The following LHX8 variants were observed in gnomAD, a reference collection of about 807,000 sequenced individuals.
LHX8 encodes LIM homeobox 8.
A neutral mutation model predicts 40.3 loss-of-function variants in LHX8; 12 were observed. The observed-to-expected ratio is 0.30, with a 90% CI of 0.19 to 0.48. The LOEUF is 0.48. LHX8 is among the 20% of genes least tolerant of loss of function. The pLI is 0.99. For missense variants in LHX8, 344 were observed against 433.7 expected, an observed-to-expected ratio of 0.79 and a Z score of 1.84; for synonymous variants, 179 against 162.0, an observed-to-expected ratio of 1.10 and a Z score of -0.80.
the LHX8 span, among the ~76,000 whole-genome samples, chr1:75,169,864 C>T: frequency 6.6e-6 from 1 of 152,202 alleles, no homozygotes; most frequent in Non-Finnish European, 1.5e-5. Flanking sequence ...TTAATAAAGG[C>T]ACCACAAATG....
the LHX8 span, among the ~76,000 whole-genome samples, chr1:75,194,118 C>G: frequency 6.6e-6 from 1 of 152,166 alleles, no homozygotes; most frequent in Non-Finnish European, 1.5e-5. Flanking sequence ...AAATAAAAAA[C>G]AGTTTAGACA....
chr1:75,157,041 G>C lies in LHX8; in HGVS notation c.929G>C (p.Gly310Ala). ...TATTCTGCCTACGTGCCCCAAGATG[G>C]AACGATGTTAACTGCGCTGCATAGT... ...MAYSAYVPQDGTMLTALHSYM... is the reference protein window; with the variant it reads ...MAYSAYVPQDATMLTALHSYM... The change falls in exon 8 of 9, where the codon GGA (glycine) becomes GCA (alanine). Residue 310 changes from glycine (G) to alanine (A), a missense_variant. Gly to Ala is a moderately conservative substitution (Grantham distance 60, BLOSUM62 0). Coordinates refer to ENST00000356261, the MANE Select transcript of LHX8 (RefSeq NM_001256114.2). 1.2e-6 allele frequency: 2 copies of C among 1,614,148 alleles called. No individual in the cohort carries two copies. Among genetic ancestry groups the C allele is most frequent in the African/African-American group, 1.3e-5 (1 of 75,036 alleles).
chr1:75,190,463 T>G, the LHX8 span, among the ~76,000 whole-genome samples: 1 of 152,168 alleles, frequency 6.6e-6, no homozygotes, highest in Non-Finnish European at 1.5e-5. Flanking sequence ...GAAGTGATAG[T>G]CAAGCTTGAC....
chr1:75,153,799 G>A (rs192244987), intron 7 of LHX8, among the ~76,000 whole-genome samples: 7 of 152,134 alleles, frequency 4.6e-5, no homozygotes, highest in East Asian at 3.9e-4. Context: ...AATTATTTAC[G>A]CCTAAACTTT....
At chr1:75,136,566 C>T (rs979528660) in intron 1 of LHX8, 37 bp from the exon 2 acceptor site, 5 of 1,445,126 alleles carry the variant, frequency 3.5e-6, no homozygotes, top group African/African-American at 1.4e-5. Context: ...AACTTCTGAT[C>T]TGTTTCTCCA....
downstream of LHX8, among the ~76,000 whole-genome samples, chr1:75,162,142 T>C (rs180712161): frequency 1.8e-4 from 28 of 152,306 alleles, 1 homozygote; most frequent in Admixed American, 1.6e-3. Flanking sequence ...TTTGTAATTT[T>C]ATTCTAGTAA....
At chr1:75,133,428 G>A (rs1648026333), upstream of LHX8, among the ~76,000 whole-genome samples, 1 of 152,144 alleles carries the variant, frequency 6.6e-6, no homozygotes, top group African/African-American at 2.4e-5. Context: ...GATAAGATAT[G>A]TGTGTGTGCG....
chr1:75,179,499 G>GTT, the LHX8 span, among the ~76,000 whole-genome samples: 124 of 107,098 alleles, frequency 1.2e-3, 3 homozygotes, highest in Non-Finnish European at 1.8e-3. Flanking sequence ...TGCAACCCCT[G>GTT]TTGTTTTTTT....
intron 3 of LHX8, among the ~76,000 whole-genome samples, chr1:75,140,036 CAA>C (rs145816287): frequency 0.018 from 2,728 of 152,224 alleles, 99 homozygotes; most frequent in African/African-American, 0.063. Flanking sequence ...GTCCACTTAA[CAA>C]GAGCAAACTT....
intron 6 of LHX8, among the ~76,000 whole-genome samples, chr1:75,148,328 G>T (rs1648517749): frequency 6.6e-6 from 1 of 152,206 alleles, no homozygotes; most frequent in South Asian, 2.1e-4. Context: ...AAAAGAAAAG[G>T]TGAGCTTATT....
At chr1:75,133,287 C>T (rs1648021888), upstream of LHX8, among the ~76,000 whole-genome samples, 1 of 152,008 alleles carries the variant, frequency 6.6e-6, no homozygotes, top group African/African-American at 2.4e-5. Flanking sequence ...GTAACTCGGT[C>T]CCAGACTCTT....
the LHX8 span, among the ~76,000 whole-genome samples, chr1:75,194,111 TAAAA>T: frequency 6.6e-6 from 1 of 152,096 alleles, no homozygotes; most frequent in Non-Finnish European, 1.5e-5. Flanking sequence ...ATGAAACAAA[TAAAA>T]AACAGTTTAG....
rs1021710270 is a variant in LHX8 at position 75,136,780 on chromosome 1, C to T, written c.75+91C>T. ...CGCTGTCCCCGCGCTCCTTCCAGGG[C>T]CCAGCTGGCCCCTCCTGCAGCAGAC... On this transcript the variant is annotated intron_variant, in intron 2 of 8. Transcript: ENST00000356261. 4.9e-5 allele frequency: 49 copies of T among 1,000,052 alleles called. No individual in the cohort carries two copies. In the Admixed American group the frequency reaches 1.0e-3, roughly 20 times the overall value. The allele number at this position is 1,000,052 out of a possible 1,614,324, so 61.9% of individuals were successfully genotyped here. A position where few individuals can be genotyped will look rare whatever the true frequency, so the allele number is the denominator to read the frequency against.
chr1:75,177,914 C>T, the LHX8 span, among the ~76,000 whole-genome samples: 1 of 152,156 alleles, frequency 6.6e-6, no homozygotes, highest in Non-Finnish European at 1.5e-5. Flanking sequence ...AAGGCCTTTT[C>T]TGCATCTATT....
chr1:75,156,171 A>T (rs897671574), intron 7 of LHX8, among the ~76,000 whole-genome samples: 2 of 151,848 alleles, frequency 1.3e-5, no homozygotes, highest in Non-Finnish European at 2.9e-5. Context: ...TTTATTTTTA[A>T]AAAATCTAAT....
rs775503552 is a variant in LHX8, at chr1:75,148,643, A to G, written c.741A>G (p.Lys247=). ...ACCCAGATGCACAGACACTCCAGAA[A>G]TTGGCAGAAAGGACAGGCTTGAGCA... ...DNNPDAQTLQ[K]LAERTGLSRR... The change falls in exon 7 of 9, where the codon AAA becomes AAG. Residue 247 remains lysine, a synonymous_variant. Transcript: ENST00000356261. 4.8e-5 allele frequency: 78 copies of G among 1,613,898 alleles called. 1 individual carries two copies. The South Asian group carries it at 8.1e-4, about 17-fold the overall frequency.
At chr1:75,168,289 C>T in the LHX8 span, among the ~76,000 whole-genome samples, 10 of 151,876 alleles carry the variant, frequency 6.6e-5, no homozygotes, top group Non-Finnish European at 1.3e-4. Context: ...ATGGTGTGGT[C>T]TCGGCTCACT....
chr1:75,130,526 C>T (rs1202319012), upstream of LHX8: 2 of 669,924 alleles, frequency 3.0e-6, no homozygotes, highest in Non-Finnish European at 2.7e-6. Context: ...CAGTCTTGGC[C>T]CACAGTGGGA....
the LHX8 span, among the ~76,000 whole-genome samples, chr1:75,195,678 A>G: frequency 6.6e-6 from 1 of 152,074 alleles, no homozygotes; most frequent in African/African-American, 2.4e-5. Context: ...TCACTCATCA[A>G]CAATTGCATG....
Sources: allele counts gnomAD v4.1 joint callset (sites outside exome capture counted in the v4.1 genomes callset), GRCh38; gene constraint gnomAD v4.1.1; transcripts MANE v1.5; gene names NCBI Gene and HGNC (gene_info 2026-07-23, HGNC 2026-07-21).